Variants in ATE1 observed in about 807,000 individuals in gnomAD.
ATE1 encodes arginyltransferase 1.
A neutral mutation model predicts 70.5 loss-of-function variants in ATE1; 36 were observed. The observed-to-expected ratio is 0.51, with a 90% confidence interval of 0.39 to 0.67. The LOEUF (loss-of-function observed/expected upper bound fraction) is 0.67, where lower values mean the gene tolerates loss of function less well. ATE1 is among the 30% of genes least tolerant of loss of function. The probability of loss-of-function intolerance (pLI) is 0.00; values close to 1 mark genes in which losing one functional copy is unlikely to be tolerated. For synonymous variants in ATE1, 232 were observed against 219.3 expected (o/e 1.06, Z -0.51); for missense variants, 593 against 629.5 (o/e 0.94, Z 0.62).
intron 3 of ATE1, among the ~76,000 whole-genome samples, chr10:121,921,069 ATTTT>A (rs1021678964): frequency 6.6e-6 from 1 of 150,708 alleles, no homozygotes; most frequent in Non-Finnish European, 1.5e-5. Context: ...CTTCCAATTA[ATTTT>A]TTTTTCAACT....
intron 5 of ATE1, among the ~76,000 whole-genome samples, chr10:121,903,073 C>CCAGACTGGTCTCAAACTCCCTTGGA (rs527671900): frequency 0.063 from 9,538 of 150,262 alleles, 370 homozygotes; most frequent in Non-Finnish European, 0.091. Context: ...ACCATGTTGG[C>CCAGACTGGTCTCAAACTCCCTTGGA]CAGACTGGTC....
chr10:121,794,059 T>A (rs561664545), intron 10 of ATE1, among the ~76,000 whole-genome samples: 10 of 152,374 alleles, frequency 6.6e-5, no homozygotes, highest in African/African-American at 1.9e-4. Context: ...GCATCATTTT[T>A]AAAACAATCT....
chr10:121,899,932 G>A lies in ATE1; in HGVS notation c.876C>T (p.Tyr292=). The A allele has an allele frequency of 6.2e-7, 1 of 1,613,996 alleles. No individual in the cohort carries two copies. Among genetic ancestry groups the A allele is most frequent in the Non-Finnish European group, 8.5e-7 (1 of 1,179,948 alleles). The change falls in exon 7 of 12, where the codon TAC becomes TAT. Residue 292 remains tyrosine, a synonymous_variant. Coordinates refer to ENST00000224652, the MANE Select transcript of ATE1 (RefSeq NM_001001976.3). The part of the protein sequence containing the change: ...SQFKATLLES[Y]QVYKRYQMVI... Reference sequence around the variant, plus strand: ...CCATCTGGTAACGTTTATAGACCTGGTAAGACTCCAGAAGTGTGGCTTTGA... The same window carrying A: ...CCATCTGGTAACGTTTATAGACCTGATAAGACTCCAGAAGTGTGGCTTTGA...
intron 7 of ATE1, among the ~76,000 whole-genome samples, chr10:121,898,602 A>T (rs1950863376): frequency 1.3e-5 from 2 of 152,192 alleles, no homozygotes; most frequent in Non-Finnish European, 1.5e-5. Context: ...AGAGTGGATG[A>T]CTGACCTTAT....
At chr10:121,748,042 G>A (rs892766714) in intron 11 of ATE1, among the ~76,000 whole-genome samples, 1 of 152,118 alleles carries the variant, frequency 6.6e-6, no homozygotes, top group East Asian at 1.9e-4. Flanking sequence ...AAGTGAAAAA[G>A]CAGCAAGAAC....
Position 121,909,332 on chromosome 10 carries a change from A to G in ATE1, c.583+1574T>C, listed in dbSNP as rs573587211. Among the ~76,000 whole-genome samples the G allele has an allele frequency of 2.6e-5, 4 of 152,322 alleles. No homozygotes were observed. In the South Asian group the frequency reaches 8.3e-4, roughly 32 times the overall value. ...ATATCAACAATCACAATATGTGGAC[A>G]TTATCTGGATCCTAACACAAACAAA... On this transcript the variant is annotated intron_variant, in intron 5 of 11. Transcript: ENST00000224652.
intron 8 of ATE1, among the ~76,000 whole-genome samples, chr10:121,860,545 G>C (rs912913082): frequency 1.1e-4 from 17 of 152,106 alleles, no homozygotes; most frequent in Non-Finnish European, 2.4e-4. Flanking sequence ...CTTAATACTA[G>C]AAGCACTGAA....
Position 121,924,329 on chromosome 10 carries a change from C to A in ATE1, c.107G>T (p.Gly36Val). The A allele has an allele frequency of 6.2e-7, 1 of 1,613,556 alleles. No individual in the cohort carries two copies. The highest frequency in any genetic ancestry group is 8.5e-7 in the Non-Finnish European group (1 of 1,179,596). ...CKNESGSRSN[G>V]MWAHSMTVQD... ...TACTGTCATGGAATGTGCCCACATG[C>A]CTGAAAAAATAAGTAGTGTGTTAAT... is the stretch of plus-strand genomic sequence containing the variant. The change falls in exon 2 of 12, where the codon GGC becomes GTC. Residue 36 changes from glycine to valine, a missense_variant and splice_region_variant. This residue lies in a region of ATE1 where 467 missense variants were observed against 469.6 expected (regional missense o/e 0.99). Coordinates refer to ENST00000224652, the MANE Select transcript of ATE1 (RefSeq NM_001001976.3).
intron 10 of ATE1, among the ~76,000 whole-genome samples, chr10:121,817,681 T>C (rs1186434369): frequency 6.6e-6 from 1 of 152,146 alleles, no homozygotes; most frequent in Non-Finnish European, 1.5e-5. Context: ...ACAGTATCTT[T>C]GTATCAAGGA....
intron 5 of ATE1, among the ~76,000 whole-genome samples, chr10:121,906,000 A>G (rs1951175869): frequency 6.6e-6 from 1 of 152,204 alleles, no homozygotes; most frequent in Admixed American, 6.5e-5. Flanking sequence ...CAACTCAAGA[A>G]TTCCTGATTA....
At chr10:121,841,397 C>T (rs1042570615) in intron 8 of ATE1, 134 bp from the exon 9 acceptor site, 2 of 570,166 alleles carry the variant, frequency 3.5e-6, no homozygotes, top group Non-Finnish European at 2.6e-6. Context: ...TCCCTAGTCA[C>T]ACCCTATATT....
chr10:121,782,353 C>T (rs954646366), intron 11 of ATE1: 2 of 152,164 alleles, frequency 1.3e-5, no homozygotes, highest in African/African-American at 4.8e-5. Flanking sequence ...CGAAAATGTT[C>T]AATCAAATGT....
chr10:121,812,114 C>T (rs1276792528), intron 10 of ATE1, among the ~76,000 whole-genome samples: 4 of 151,918 alleles, frequency 2.6e-5, no homozygotes, highest in Non-Finnish European at 5.9e-5. Flanking sequence ...AGACACCACG[C>T]CTGACTAATT....
chr10:121,785,087 C>G (rs1009709123), intron 11 of ATE1, among the ~76,000 whole-genome samples: 24 of 152,126 alleles, frequency 1.6e-4, no homozygotes, highest in African/African-American at 5.8e-4. Context: ...CATCCAAGCA[C>G]CACCATCTTT....
chr10:121,791,332 G>A (rs1390674774), intron 10 of ATE1, among the ~76,000 whole-genome samples: 1 of 151,882 alleles, frequency 6.6e-6, no homozygotes, highest in Non-Finnish European at 1.5e-5. Flanking sequence ...GACCTCAGGT[G>A]ATCCGCCCAC....
intron 8 of ATE1, among the ~76,000 whole-genome samples, chr10:121,852,164 C>CT (rs1420328387): frequency 2.0e-5 from 3 of 152,220 alleles, no homozygotes; most frequent in Non-Finnish European, 2.9e-5. Context: ...GATAGGAAGA[C>CT]TGAAAGTCTT....
At chr10:121,894,468 A>G (rs1950698883) in intron 7 of ATE1, among the ~76,000 whole-genome samples, 1 of 152,212 alleles carries the variant, frequency 6.6e-6, no homozygotes, top group African/African-American at 2.4e-5. Flanking sequence ...GACAAAATAG[A>G]TTTGCACCAG....
intron 2 of ATE1, 103 bp from the exon 3 acceptor site, chr10:121,922,514 A>G (rs1951922042): frequency 1.4e-6 from 1 of 695,980 alleles, no homozygotes; most frequent in Non-Finnish European, 2.5e-6. Context: ...TCTAATCAAC[A>G]TTGTAGAAAT....
At chr10:121,830,572 T>C (rs924341725) in intron 10 of ATE1, among the ~76,000 whole-genome samples, 1 of 152,164 alleles carries the variant, frequency 6.6e-6, no homozygotes, top group African/African-American at 2.4e-5. Flanking sequence ...GTTATATAAA[T>C]ACAGAAAGAA....
Sources: gnomAD v4.1 joint callset for allele counts (sites outside exome capture counted in the v4.1 genomes callset) on GRCh38, gnomAD v4.1.1 for gene constraint, gnomAD v4.1.1 regional missense constraint, MANE v1.5 for transcripts, NCBI Gene and HGNC (gene_info 2026-07-23, HGNC 2026-07-21) for gene names.